The following CDH23 variants were observed in gnomAD, a reference collection of about 807,000 sequenced individuals.
The protein encoded by CDH23 is cadherin-23.
A neutral mutation model predicts 317.1 loss-of-function variants in CDH23; 189 were observed. The observed-to-expected ratio is 0.60, with a 90% confidence interval of 0.53 to 0.67. The LOEUF (loss-of-function observed/expected upper bound fraction) is 0.67. CDH23 is among the 30% of genes least tolerant of loss of function. The pLI, the probability that CDH23 is intolerant of heterozygous loss-of-function variation, is 0.00. For missense variants in CDH23, 4,401 were observed against 4,592.4 expected, an observed-to-expected ratio of 0.96 and a Z score of 1.20; for synonymous variants, 1,839 against 1,876.8, an observed-to-expected ratio of 0.98 and a Z score of 0.52.
intron 38 of CDH23, among the ~76,000 whole-genome samples, chr10:71,752,259 G>A (rs934648638): frequency 2.0e-5 from 3 of 152,214 alleles, no homozygotes; most frequent in Non-Finnish European, 4.4e-5. Context: ...TTGAGCTGAG[G>A]GGAGGGGTTC....
At chr10:71,557,126 A>G (rs1856912609) in intron 6 of CDH23, among the ~76,000 whole-genome samples, 1 of 152,340 alleles carries the variant, frequency 6.6e-6, no homozygotes. Context: ...TTCTCTTTTT[A>G]GCTAAAACAG....
chr10:71,811,464 A>G (rs1270945084), intron 63 of CDH23, 29 bp downstream of exon 63: 4 of 1,613,926 alleles, frequency 2.5e-6, no homozygotes, highest in Middle Eastern at 3.3e-4. Flanking sequence ...CCACAGCCCT[A>G]GCCGCCCTCC....
intron 1 of CDH23, among the ~76,000 whole-genome samples, chr10:71,432,341 C>A (rs369329911): frequency 3.0e-5 from 1 of 33,072 alleles, no homozygotes; most frequent in Non-Finnish European, 5.4e-5. Flanking sequence ...AGTGTGTGTG[C>A]GGTGTGTGAG....
rs1564769379 is a variant in CDH23, at chr10:71,740,950, G to T, written c.4617G>T (p.Glu1539Asp). Reference sequence around the variant, plus strand: ...TTGGATACAATGTCAGTGTGAATGAGGTGAGGGCAGCCCCGGGGCCCATAT... The same window carrying T: ...TTGGATACAATGTCAGTGTGAATGATGTGAGGGCAGCCCCGGGGCCCATAT... ...SPFGYNVSVN[E>D]NVGGGTAVVQ... Residue 1539 changes from glutamate to aspartate, a missense_variant and splice_region_variant, in exon 37 of 70, where the codon GAG becomes GAT. Around this residue, in one of 3 missense-constraint regions of CDH23, gnomAD observed 3,068 missense variants for 3,203.3 expected, o/e 0.96. Transcript: ENST00000224721. 6.2e-7 allele frequency: 1 copy of T among 1,613,936 alleles called. No individual in the cohort carries two copies. The highest frequency in any genetic ancestry group is 8.5e-7 in the Non-Finnish European group (1 of 1,179,858).
At chr10:71,805,674 C>T (rs771890931) in intron 55 of CDH23, 132 bp from the exon 56 acceptor site, 71 of 868,826 alleles carry the variant, frequency 8.2e-5, no homozygotes, top group Non-Finnish European at 1.2e-4. Flanking sequence ...AGCAGGCAGG[C>T]GCTCCTGGCG....
In CDH23 at chr10:71,751,428, C is replaced by A. The variant is rs1390809939; in HGVS notation, c.4845+9507C>A. The A allele has an allele frequency of 2.5e-6, 1 of 396,592 alleles. No individual in the cohort carries two copies. The highest frequency in any genetic ancestry group is 4.4e-6 in the Non-Finnish European group (1 of 225,934). 24.6% of individuals were successfully genotyped at this position (396,592 alleles called of 1,614,324 possible). ...TCACCCTCAACCCCACCCCGTGAGGCCGTGGAACTCTTCAGGGAGGTGAAT... is the reference window on the plus strand; with the variant it reads ...TCACCCTCAACCCCACCCCGTGAGGACGTGGAACTCTTCAGGGAGGTGAAT... On this transcript the variant is annotated intron_variant, in intron 38 of 69. Coordinates refer to ENST00000224721, the MANE Select transcript of CDH23 (RefSeq NM_022124.6). This position sits in a 1 kb window ranked among gnomAD's most constrained non-coding sequence, Gnocchi z 4.9.
rs2132358392 is a variant in CDH23 at position 71,566,807 on chromosome 10, C to T, written c.495C>T (p.Gly165=). ...NATDPDLGAG[G]SVLYSFQPPS... ...CAGACCCCGACTTGGGGGCAGGGGG[C>T]AGCGTCCTCTACTCCTTCCAGCCCC... is the stretch of plus-strand genomic sequence containing the variant. Residue 165 remains glycine, a synonymous_variant, in exon 7 of 70, where the codon GGC becomes GGT. Transcript: ENST00000224721. The T allele has an allele frequency of 6.2e-7, 1 of 1,613,666 alleles. No individual in the cohort carries two copies. Among genetic ancestry groups the T allele is most frequent in the Non-Finnish European group, 8.5e-7 (1 of 1,179,612 alleles).
chr10:71,472,631 G>A lies in CDH23; in HGVS notation c.145+26236G>A, dbSNP rs192062954. On this transcript the variant is annotated intron_variant, in intron 3 of 69. Transcript: ENST00000224721. ...CAACTTGCTCTGCCCTCGCCCTTTG[G>A]CCTTGAAGGTCCTGCCAGATACTCC... is the stretch of plus-strand genomic sequence containing the variant. 1.1e-3 allele frequency among the ~76,000 whole-genome samples: 175 copies of A among 152,320 alleles called. 3 individuals are homozygous for A. Among genetic ancestry groups the A allele is most frequent in the South Asian group, 5.4e-3 (26 of 4,824 alleles).
chr10:71,658,403 C>G (rs567664627), intron 14 of CDH23, among the ~76,000 whole-genome samples: 95 of 152,318 alleles, frequency 6.2e-4, no homozygotes, highest in Non-Finnish European at 1.0e-3. Flanking sequence ...TGTGTGAGGT[C>G]TGATGGTTTT....
intron 48 of CDH23, chr10:71,795,416 A>G (rs1346443076): frequency 1.3e-5 from 2 of 152,186 alleles, no homozygotes; most frequent in Non-Finnish European, 1.5e-5. Flanking sequence ...GGTCAGGACC[A>G]TGGAGAGCTG....
At chr10:71,806,863 C>T (rs1841744967) in intron 57 of CDH23, among the ~76,000 whole-genome samples, 1 of 152,188 alleles carries the variant, frequency 6.6e-6, no homozygotes, top group Admixed American at 6.5e-5. Flanking sequence ...CCGCCCAGCT[C>T]TGATTTATTG....
At chr10:71,496,841 T>TCGTAG in intron 3 of CDH23, among the ~76,000 whole-genome samples, 7 of 58,866 alleles carry the variant, frequency 1.2e-4, no homozygotes, top group African/African-American at 3.5e-4. Context: ...AGATGGACAG[T>TCGTAG]TGGGATGTCA....
At chr10:71,399,461 C>T (rs1847683437) in intron 1 of CDH23, among the ~76,000 whole-genome samples, 1 of 152,222 alleles carries the variant, frequency 6.6e-6, no homozygotes, top group South Asian at 2.1e-4. Context: ...ATTGGAGCTT[C>T]TCTCTTTGGC....
At chr10:71,658,938 C>G (rs898600723) in intron 14 of CDH23, among the ~76,000 whole-genome samples, 1 of 152,124 alleles carries the variant, frequency 6.6e-6, no homozygotes, top group Admixed American at 6.5e-5. Flanking sequence ...TTGAGCAGGT[C>G]CATGGCTGAA....
intron 11 of CDH23, among the ~76,000 whole-genome samples, chr10:71,634,833 T>A (rs1439347508): frequency 6.6e-5 from 10 of 152,268 alleles, no homozygotes; most frequent in Admixed American, 6.5e-4. Context: ...TCCCCCGATC[T>A]CCACATAAAG....
At chr10:71,739,905 TG>T (rs1839687738) in intron 36 of CDH23, 133 bp downstream of exon 36, 1 of 1,054,908 alleles carries the variant, frequency 9.5e-7, no homozygotes, top group Non-Finnish European at 1.3e-6. Flanking sequence ...CCAAGTAACA[TG>T]GGGCCAGCTG....
At chr10:71,515,394 T>TCTCTCTCTCTCTCTCA (rs1491490493) in intron 6 of CDH23, among the ~76,000 whole-genome samples, 108 of 26,678 alleles carry the variant, frequency 4.0e-3, no homozygotes, top group African/African-American at 8.1e-3. Flanking sequence ...TCTCTCTCTC[T>TCTCTCTCTCTCTCTCA]CACACACACA....
intron 38 of CDH23, chr10:71,752,009 C>T (rs1487841782): frequency 1.1e-6 from 1 of 915,944 alleles, no homozygotes; most frequent in Admixed American, 2.0e-5. Context: ...AAGGCAGGAG[C>T]CAGGCCCACA....
rs777533189 is a variant in CDH23 at position 71,812,858 on chromosome 10, C to G, written c.9601C>G (p.Leu3201Val). 1 of 1,613,724 alleles carries G rather than the reference C, an allele frequency of 6.2e-7. No homozygotes were observed. The highest frequency in any genetic ancestry group is 8.5e-7 in the Non-Finnish European group (1 of 1,179,772). Residue 3201 changes from leucine (L) to valine (V), a missense_variant, in exon 68 of 70, where the codon CTG becomes GTG. Physicochemically the swap from Leu to Val is conservative, Grantham distance 32. Around this residue, in one of 3 missense-constraint regions of CDH23, gnomAD observed 1,144 missense variants for 1,138.2 expected, o/e 1.01. Coordinates refer to ENST00000224721, the MANE Select transcript of CDH23 (RefSeq NM_022124.6). ...CCAGGAGTATGACAACATTGCCAAG[C>G]TGGGCCAGATCATTCGTGAGGGGCC... Reference protein sequence around the residue: ...AIQEYDNIAKLGQIIREGPIK... With the variant: ...AIQEYDNIAKVGQIIREGPIK...
Sources: gnomAD v4.1 joint callset for allele counts (sites outside exome capture counted in the v4.1 genomes callset) on GRCh38, gnomAD v4.1.1 for gene constraint, gnomAD v4.1.1 regional missense constraint, Gnocchi (gnomAD v3.1) non-coding constraint, MANE v1.5 for transcripts, NCBI Gene and HGNC (gene_info 2026-07-23, HGNC 2026-07-21) for gene names.